Variants in PCDHA7 observed in about 807,000 individuals in gnomAD.
PCDHA7 encodes protocadherin alpha-7.
Under a neutral mutation model 57.2 loss-of-function variants are expected in PCDHA7, and 37 were observed. That is an observed-to-expected ratio of 0.65 (90% CI 0.50 to 0.85). The LOEUF (loss-of-function observed/expected upper bound fraction) is 0.85, where lower values mean the gene tolerates loss of function less well. Ranked by LOEUF, PCDHA7 falls within the 40% of genes least tolerant of loss-of-function variation. PCDHA7 has a pLI of 0.00. For synonymous variants in PCDHA7, 553 were observed against 558.8 expected, an observed-to-expected ratio of 0.99 and a Z score of 0.15; for missense variants, 1,188 against 1,241.8, an observed-to-expected ratio of 0.96 and a Z score of 0.65.
At chr5:140,951,832 C>A (rs2094641157) in intron 1 of PCDHA7, among the ~76,000 whole-genome samples, 1 of 152,142 alleles carries the variant, frequency 6.6e-6, no homozygotes, top group East Asian at 1.9e-4. Context: ...CTCATTCCAG[C>A]ATTAAGCCAA....
chr5:140,869,344 A>C (rs540952410), intron 1 of PCDHA7: 1 of 1,613,872 alleles, frequency 6.2e-7, no homozygotes, highest in Non-Finnish European at 8.5e-7. Flanking sequence ...AAATCTGCAG[A>C]ATGGCATTTT....
At chr5:140,868,826 G>A in intron 1 of PCDHA7, 1 of 406,060 alleles carries the variant, frequency 2.5e-6, no homozygotes, top group Non-Finnish European at 4.3e-6. Flanking sequence ...TTTGGGGGAA[G>A]AAACCCAAAA....
At chr5:140,871,352 C>CT in intron 1 of PCDHA7, 1 of 1,614,210 alleles carries the variant, frequency 6.2e-7, no homozygotes, top group South Asian at 1.1e-5. Flanking sequence ...TGGTCATACT[C>CT]GCAGCAGAGG....
Position 140,974,355 on chromosome 5 carries a change from C to T in PCDHA7, c.2356-4594C>T, listed in dbSNP as rs113314336. Among the ~76,000 whole-genome samples the T allele has an allele frequency of 6.8e-3, 1,038 of 152,272 alleles. 15 individuals are homozygous for T. The highest frequency in any genetic ancestry group is 0.024 in the African/African-American group (1,003 of 41,550). ...AGCAGGCTATGCATCCAGAACTAAA[C>T]AGACCTAGCACTTTCTGTTGTACTG... is the stretch of plus-strand genomic sequence containing the variant. On this transcript the variant is annotated intron_variant, in intron 1 of 3. Transcript: ENST00000525929.
chr5:140,909,935 A>G (rs2074774035), intron 1 of PCDHA7, among the ~76,000 whole-genome samples: 1 of 152,154 alleles, frequency 6.6e-6, no homozygotes, highest in Admixed American at 6.5e-5. Flanking sequence ...AATCACAGTT[A>G]CTCTGGTAAA....
At chr5:140,954,214 T>C (rs1186171676) in intron 1 of PCDHA7, among the ~76,000 whole-genome samples, 1 of 152,254 alleles carries the variant, frequency 6.6e-6, no homozygotes, top group African/African-American at 2.4e-5. Flanking sequence ...TCCCATGTTT[T>C]TGCTATTGTG....
At chr5:140,856,204 G>A (rs782220766) in intron 1 of PCDHA7, 2 of 1,598,000 alleles carry the variant, frequency 1.3e-6, no homozygotes, top group African/African-American at 2.7e-5. Flanking sequence ...AGGACCTGGG[G>A]CTGGAGCTGG....
chr5:140,968,295 A>G lies in PCDHA7; in HGVS notation c.2356-10654A>G, dbSNP rs782722853. 4 of 1,613,916 alleles carry G rather than the reference A, an allele frequency of 2.5e-6. No homozygotes were observed. The Admixed American group carries it at 5.0e-5, about 20-fold the overall frequency. ...GCAGAGGTGACCTACTCCCTTCTGG[A>G]GAGGGAGATTCAAGGGCTGCCAGTC... On this transcript the variant is annotated intron_variant, in intron 1 of 3. Coordinates refer to ENST00000525929, the MANE Select transcript of PCDHA7 (RefSeq NM_018910.3).
Position 140,853,023 on chromosome 5 carries a change from C to T in PCDHA7, c.2355+16285C>T, listed in dbSNP as rs1239749008. On this transcript the variant is annotated intron_variant, in intron 1 of 3. Transcript: ENST00000525929. ...CCTCCCGAGTAGCTGGGACTACAGG[C>T]GCCTGCCACCATGCCCGCCTAATTT... 6 of 257,856 alleles carry T rather than the reference C, an allele frequency of 2.3e-5. 1 individual carries two copies. The highest frequency in any genetic ancestry group is 1.2e-4 in the African/African-American group (5 of 42,466). 16.0% of individuals were successfully genotyped at this position (257,856 alleles called of 1,614,324 possible). A position where few individuals can be genotyped will look rare whatever the true frequency, so the allele number is the denominator to read the frequency against.
chr5:140,835,267 T>A lies in PCDHA7; in HGVS notation c.884T>A (p.Met295Lys), dbSNP rs2150232922. 130 of 1,609,952 alleles carry A rather than the reference T, an allele frequency of 8.1e-5. No individual in the cohort carries two copies. The highest frequency in any genetic ancestry group is 1.1e-4 in the Non-Finnish European group (124 of 1,178,372). ...VSPDIKSKFH[M>K]DPLSGAITVI... ...CCAGATATAAAATCCAAGTTCCACA[T>A]GGACCCCTTAAGTGGGGCAATCACA... The change falls in exon 1 of 4, where the codon ATG becomes AAG. Residue 295 changes from methionine to lysine, a missense_variant. Physicochemically the swap from Met to Lys is moderately conservative, Grantham distance 95. This residue lies in a region of PCDHA7 where 102 missense variants were observed against 267.4 expected (regional missense o/e 0.38). Transcript: ENST00000525929.
chr5:140,964,380 C>T (rs891362271), intron 1 of PCDHA7, among the ~76,000 whole-genome samples: 9 of 152,120 alleles, frequency 5.9e-5, no homozygotes, highest in Non-Finnish European at 1.3e-4. Context: ...AAGGAGAGTC[C>T]TGGTTTTTCT....
chr5:140,869,810 A>T lies in PCDHA7; in HGVS notation c.2355+33072A>T, dbSNP rs2051437780. On this transcript the variant is annotated intron_variant, in intron 1 of 3. Transcript: ENST00000525929. ...CTGTTAGTCCAAGTCTTGGATGTCA[A>T]CGACAATGATCCAGAGTTTGATAAA... The T allele has an allele frequency of 6.2e-7, 1 of 1,612,624 alleles. No individual in the cohort carries two copies.
At chr5:140,918,263 G>A (rs2078602453) in intron 1 of PCDHA7, among the ~76,000 whole-genome samples, 1 of 152,214 alleles carries the variant, frequency 6.6e-6, no homozygotes, top group East Asian at 1.9e-4. Context: ...TTTGCTGGAG[G>A]TTTTATCAGA....
chr5:140,984,861 C>A (rs1163314869), intron 3 of PCDHA7, among the ~76,000 whole-genome samples: 1 of 151,870 alleles, frequency 6.6e-6, no homozygotes, highest in Non-Finnish European at 1.5e-5. Flanking sequence ...ATAATAACAC[C>A]TATTTTATTG....
rs116228766 is a variant in PCDHA7 at position 140,907,042 on chromosome 5, C to A, written c.2355+70304C>A. Among the ~76,000 whole-genome samples, 705 of 152,284 alleles carry A rather than the reference C, an allele frequency of 4.6e-3. 3 individuals carry two copies. The highest frequency in any genetic ancestry group is 0.016 in the African/African-American group (683 of 41,556). On this transcript the variant is annotated intron_variant, in intron 1 of 3. Coordinates refer to ENST00000525929, the MANE Select transcript of PCDHA7 (RefSeq NM_018910.3). The stretch of plus-strand genomic sequence containing the variant: ...CCAGCAGAACATAATGTCACAGGGA[C>A]AGTAAGCAAAAATTTTACTAGTGGG...
chr5:140,885,310 G>T (rs1554182115), intron 1 of PCDHA7, among the ~76,000 whole-genome samples: 1 of 152,038 alleles, frequency 6.6e-6, no homozygotes. Context: ...TAGGCTTTTT[G>T]TTATTATTTC....
intron 1 of PCDHA7, chr5:140,858,228 A>T: frequency 6.3e-7 from 1 of 1,595,134 alleles, no homozygotes; most frequent in Non-Finnish European, 8.6e-7. Flanking sequence ...GCGCCCACCG[A>T]GGGCGCATGT....
intron 1 of PCDHA7, among the ~76,000 whole-genome samples, chr5:140,964,965 G>GA (rs1296818132): frequency 6.6e-6 from 1 of 152,204 alleles, no homozygotes; most frequent in Non-Finnish European, 1.5e-5. Context: ...TTGGTGGAAC[G>GA]AAGGGATGTG....
Position 140,846,464 on chromosome 5 carries a change from T to G in PCDHA7, c.2355+9726T>G, listed in dbSNP as rs2150391195. Among the ~76,000 whole-genome samples, 4 of 138,432 alleles carry G rather than the reference T, an allele frequency of 2.9e-5. No homozygotes were observed. In the South Asian group the frequency reaches 1.0e-3, roughly 35 times the overall value. The allele number at this position is 138,432 out of a possible 152,430, so 90.8% of individuals were successfully genotyped here. On this transcript the variant is annotated intron_variant, in intron 1 of 3. Transcript: ENST00000525929. ...ATCTCGGCTCACTGCAACCTCTGCC[T>G]CCCGGGTTCAAATGATTCTCCTTCC...
Sources: allele counts gnomAD v4.1 joint callset (sites outside exome capture counted in the v4.1 genomes callset), GRCh38; gene constraint gnomAD v4.1.1; regional missense constraint gnomAD v4.1.1; transcripts MANE v1.5; gene names NCBI Gene and HGNC (gene_info 2026-07-23, HGNC 2026-07-21).